The following GTF2F2 variants were observed in gnomAD, a reference collection of about 807,000 sequenced individuals.
GTF2F2 encodes the protein general transcription factor IIF subunit 2, also known as ATP-dependent helicase GTF2F2.
GTF2F2 carries 23 observed loss-of-function variants against 42.2 expected under a neutral mutation model. The ratio of observed to expected loss-of-function variants is 0.55; its 90% CI spans 0.39 to 0.77. The LOEUF (loss-of-function observed/expected upper bound fraction) is 0.77. Ranked by LOEUF, GTF2F2 falls within the 30% of genes least tolerant of loss-of-function variation. The pLI is 0.00. For missense variants in GTF2F2, 261 were observed against 287.2 expected (o/e 0.91, Z 0.66); for synonymous variants, 105 against 100.8 (o/e 1.04, Z -0.25).
intron 4 of GTF2F2, chr13:45,206,274 A>G (rs940961218): frequency 6.6e-6 from 1 of 152,168 alleles, no homozygotes; most frequent in African/African-American, 2.4e-5. Context: ...TCCAAAGATC[A>G]CTAAAAAAAG....
chr13:45,124,741 T>C (rs1433988125), intron 1 of GTF2F2, among the ~76,000 whole-genome samples: 1 of 152,064 alleles, frequency 6.6e-6, no homozygotes, highest in Non-Finnish European at 1.5e-5. Flanking sequence ...ATTTTTTGTA[T>C]CTTTAGTAGA....
intron 7 of GTF2F2, among the ~76,000 whole-genome samples, chr13:45,276,530 G>A (rs1168381913): frequency 1.3e-5 from 2 of 151,146 alleles, no homozygotes; most frequent in African/African-American, 2.4e-5. Context: ...TCTGCCTCCC[G>A]AGTTCAAGTG....
At chr13:45,181,189 CAAAA>C (rs1237337924) in intron 4 of GTF2F2, among the ~76,000 whole-genome samples, 5 of 116,472 alleles carry the variant, frequency 4.3e-5, no homozygotes, top group East Asian at 2.3e-4. Flanking sequence ...AACAAACAAA[CAAAA>C]AAAAAAAAAA....
At chr13:45,227,840 G>C (rs778499817) in intron 5 of GTF2F2, among the ~76,000 whole-genome samples, 2 of 152,134 alleles carry the variant, frequency 1.3e-5, no homozygotes, top group Non-Finnish European at 2.9e-5. Context: ...AAAGTGCATG[G>C]GGAAATGGCA....
intron 2 of GTF2F2, among the ~76,000 whole-genome samples, chr13:45,137,994 A>G (rs934480027): frequency 6.6e-6 from 1 of 152,194 alleles, no homozygotes; most frequent in African/African-American, 2.4e-5. Flanking sequence ...GGCCACGTCC[A>G]CATTCCTAAA....
chr13:45,279,529 C>T (rs773389681), intron 7 of GTF2F2, among the ~76,000 whole-genome samples: 1 of 152,236 alleles, frequency 6.6e-6, no homozygotes, highest in Non-Finnish European at 1.5e-5. Flanking sequence ...CAGCAGTCCT[C>T]TTAGCTGCCT....
At chr13:45,279,729 A>C (rs989898797) in intron 7 of GTF2F2, among the ~76,000 whole-genome samples, 1 of 152,078 alleles carries the variant, frequency 6.6e-6, no homozygotes, top group Non-Finnish European at 1.5e-5. Context: ...AACATGGAGA[A>C]ACTCCGTCTC....
intron 5 of GTF2F2, among the ~76,000 whole-genome samples, chr13:45,234,388 A>AGGCCGG (rs1316179781): frequency 2.0e-5 from 3 of 152,216 alleles, no homozygotes; most frequent in Admixed American, 2.0e-4. Flanking sequence ...GTAAATCATC[A>AGGCCGG]ACTATTTTCA....
intron 7 of GTF2F2, among the ~76,000 whole-genome samples, chr13:45,279,632 G>T (rs573686059): frequency 6.6e-6 from 1 of 152,286 alleles, no homozygotes; most frequent in African/African-American, 2.4e-5. Context: ...ATGTGGCCGG[G>T]CGCGGTGGCT....
At chr13:45,249,080 A>G (rs778188790) in intron 5 of GTF2F2, among the ~76,000 whole-genome samples, 4 of 152,182 alleles carry the variant, frequency 2.6e-5, no homozygotes, top group African/African-American at 7.2e-5. Context: ...AAAGCATATC[A>G]AGGTCAGTAA....
intron 6 of GTF2F2, among the ~76,000 whole-genome samples, chr13:45,265,941 A>G (rs1876543272): frequency 6.6e-6 from 1 of 152,216 alleles, no homozygotes. Context: ...CCCTTCAACA[A>G]GTTTCTGATG....
intron 5 of GTF2F2, among the ~76,000 whole-genome samples, chr13:45,214,301 T>C (rs1873806883): frequency 6.6e-6 from 1 of 152,194 alleles, no homozygotes; most frequent in South Asian, 2.1e-4. Context: ...GTCATTCATT[T>C]AGATAAAGGT....
chr13:45,231,687 T>G (rs575675295), intron 5 of GTF2F2, among the ~76,000 whole-genome samples: 1 of 152,280 alleles, frequency 6.6e-6, no homozygotes, highest in Admixed American at 6.5e-5. Flanking sequence ...ATTTTTTTTT[T>G]CCTGGCTTGA....
intron 4 of GTF2F2, among the ~76,000 whole-genome samples, chr13:45,159,609 A>G (rs896386492): frequency 6.6e-6 from 1 of 152,152 alleles, no homozygotes; most frequent in Non-Finnish European, 1.5e-5. Flanking sequence ...AAAATTACAG[A>G]CTACAGACGT....
At chr13:45,151,512 A>G (rs990342524) in intron 3 of GTF2F2, among the ~76,000 whole-genome samples, 175 bp from the exon 4 acceptor site, 14 of 152,130 alleles carry the variant, frequency 9.2e-5, no homozygotes, top group Non-Finnish European at 1.5e-4. Flanking sequence ...GTGTGCACCA[A>G]TGTGTCCAGT....
At chr13:45,200,153 G>T (rs1873103831) in intron 4 of GTF2F2, among the ~76,000 whole-genome samples, 1 of 151,980 alleles carries the variant, frequency 6.6e-6, no homozygotes, top group Non-Finnish European at 1.5e-5. Context: ...TATAGTTGAT[G>T]AAATATTTGA....
intron 1 of GTF2F2, among the ~76,000 whole-genome samples, chr13:45,128,114 CCATGCCCGGCTA>C (rs1414389633): frequency 4.0e-5 from 6 of 148,376 alleles, no homozygotes; most frequent in African/African-American, 1.5e-4. Flanking sequence ...GTGCCCGCCA[CCATGCCCGGCTA>C]ATTTTTTGTA....
At chr13:45,170,431 G>A (rs1222945172) in intron 4 of GTF2F2, among the ~76,000 whole-genome samples, 1 of 152,174 alleles carries the variant, frequency 6.6e-6, no homozygotes, top group East Asian at 1.9e-4. Flanking sequence ...AGGCTTAGAA[G>A]CAAATAAAAG....
chr13:45,203,125 G>A (rs930183429), intron 4 of GTF2F2, among the ~76,000 whole-genome samples: 20 of 152,066 alleles, frequency 1.3e-4, no homozygotes, highest in Admixed American at 1.0e-3. Flanking sequence ...CGCCCAGGCT[G>A]GAGTGCAGTG....
Sources: allele counts gnomAD v4.1 joint callset (sites outside exome capture counted in the v4.1 genomes callset), GRCh38; gene constraint gnomAD v4.1.1; transcripts MANE v1.5; gene names NCBI Gene and HGNC (gene_info 2026-07-23, HGNC 2026-07-21).